The following TTI1 variants were observed in gnomAD, a reference collection of about 807,000 sequenced individuals.
The protein encoded by TTI1 is TELO2-interacting protein 1 homolog.
TTI1 carries 52 observed loss-of-function variants against 85.4 expected under a neutral mutation model. That is an observed-to-expected ratio of 0.61 (90% confidence interval 0.49 to 0.77). TTI1 has a LOEUF of 0.77. Ranked by LOEUF, TTI1 falls within the 30% of genes least tolerant of loss-of-function variation. The probability of loss-of-function intolerance (pLI) is 0.00; values close to 1 mark genes in which losing one functional copy is unlikely to be tolerated. For missense variants in TTI1, 1,173 were observed against 1,296.0 expected, an observed-to-expected ratio of 0.91 and a Z score of 1.46; for synonymous variants, 512 against 503.9, an observed-to-expected ratio of 1.02 and a Z score of -0.22.
rs373964403 is a variant in TTI1, at chr20:38,027,708, C to T, written c.-42+5696G>A. ...GGGAGGCTGAGGTGGGTGGATCACC[C>T]GACGTCAGGAGTTCAAGACCAGGCT... On this transcript the variant is annotated intron_variant, in intron 1 of 7. Transcript: ENST00000373447. 3.8e-3 allele frequency among the ~76,000 whole-genome samples: 571 copies of T among 152,098 alleles called. 5 individuals carry two copies. Among genetic ancestry groups the T allele is most frequent in the African/African-American group, 0.013 (542 of 41,492 alleles).
chr20:38,013,013 T>C lies in TTI1; in HGVS notation c.804A>G (p.Val268=). 6.2e-7 allele frequency: 1 copy of C among 1,614,092 alleles called. No homozygotes were observed. The highest frequency in any genetic ancestry group is 8.5e-7 in the Non-Finnish European group (1 of 1,180,040). ...VQAKPAVEHR[V]AELMVYREAD... ...CTTCCCTGTAAACCATCAGCTCTGC[T>C]ACTCTGTGCTCAACTGCAGGTTTTG... Residue 268 remains valine (V), a synonymous_variant, in exon 2 of 8, where the codon GTA becomes GTG. Transcript: ENST00000373447.
rs761042967 is a variant in TTI1 at position 38,012,364 on chromosome 20, A to C, written c.1453T>G (p.Phe485Val). 1.3e-5 allele frequency: 21 copies of C among 1,614,076 alleles called. No individual in the cohort carries two copies. The highest frequency in any genetic ancestry group is 3.3e-4 in the Middle Eastern group (2 of 6,084). Residue 485 changes from phenylalanine (F) to valine (V), a missense_variant, in exon 2 of 8, where the codon TTC (phenylalanine) becomes GTC (valine). By Grantham distance (50) the Phe-to-Val change is conservative (BLOSUM62 -1). Transcript: ENST00000373447. ...TGACAAACCTGCCTCAAGAGCATGA[A>C]GATTCTCTCATCAGTGAAGAAGCGG... ...YFRFFTDERI[F>V]MLLRQVCQLL...
intron 7 of TTI1, among the ~76,000 whole-genome samples, chr20:37,988,035 A>C (rs925673449): frequency 2.0e-5 from 3 of 152,220 alleles, no homozygotes; most frequent in Non-Finnish European, 2.9e-5. Context: ...CGTTTACTAA[A>C]GCCTGGTCCA....
rs114648949 is a variant in TTI1 at position 38,002,048 on chromosome 20, T to C, written c.2652+580A>G. Among the ~76,000 whole-genome samples the C allele has an allele frequency of 2.2e-3, 329 of 151,992 alleles. 2 individuals are homozygous for C. Among genetic ancestry groups the C allele is most frequent in the African/African-American group, 7.7e-3 (321 of 41,436 alleles). On this transcript the variant is annotated intron_variant, in intron 4 of 7. Transcript: ENST00000373447. ...TGTATTTCTCACTCCTGCTTGGGGG[T>C]AGAGAGGAATGCTGTCTCCCTTTGG...
At position 38,026,202 on chromosome 20, in the gene TTI1, A is replaced by C. The variant is rs151176933; in HGVS notation, c.-42+7202T>G. ...TGAGACAGAGTATCATTCTGTCACCAAGGCTGGAGTGCAATGGTGCCAAAT... is the reference window on the plus strand; with the variant it reads ...TGAGACAGAGTATCATTCTGTCACCCAGGCTGGAGTGCAATGGTGCCAAAT... On this transcript the variant is annotated intron_variant, in intron 1 of 7. Transcript: ENST00000373447. 6.9e-3 allele frequency among the ~76,000 whole-genome samples: 1,054 copies of C among 152,224 alleles called. 5 individuals are homozygous for C. The highest frequency in any genetic ancestry group is 0.02 in the African/African-American group (838 of 41,518).
At chr20:38,016,127 T>C (rs1280064624) in intron 1 of TTI1, among the ~76,000 whole-genome samples, 1 of 152,220 alleles carries the variant, frequency 6.6e-6, no homozygotes, top group Non-Finnish European at 1.5e-5. Context: ...ACCTACTTAC[T>C]GCAAATAAAG....
At chr20:38,009,232 A>G (rs2073545485) in intron 2 of TTI1, among the ~76,000 whole-genome samples, 2 of 152,206 alleles carry the variant, frequency 1.3e-5, no homozygotes, top group African/African-American at 4.8e-5. Flanking sequence ...TAGTCTGCAT[A>G]AGCAACCAGT....
intron 1 of TTI1, among the ~76,000 whole-genome samples, chr20:38,017,170 C>A (rs2073694578): frequency 6.6e-6 from 1 of 152,134 alleles, no homozygotes; most frequent in African/African-American, 2.4e-5. Flanking sequence ...CAATCCTATA[C>A]CTAGAAGCTA....
intron 3 of TTI1, 110 bp downstream of exon 3, chr20:38,006,087 G>T (rs1207407382): frequency 1.6e-6 from 2 of 1,231,112 alleles, no homozygotes; most frequent in Non-Finnish European, 2.3e-6. Flanking sequence ...GCCTGGTAAG[G>T]TTATGAGTAA....
intron 7 of TTI1, among the ~76,000 whole-genome samples, chr20:37,986,235 AAC>A: frequency 6.6e-6 from 1 of 152,324 alleles, no homozygotes; most frequent in East Asian, 1.9e-4. Flanking sequence ...TTATCTGGGC[AAC>A]ACCCAGCAAA....
At chr20:38,005,735 A>C (rs1303747797) in intron 3 of TTI1, 1 of 153,616 alleles carries the variant, frequency 6.5e-6, no homozygotes, top group East Asian at 1.9e-4. Context: ...TTATGTTCAT[A>C]TCCTTGACCC....
chr20:38,002,831 C>T (rs2073445678), intron 3 of TTI1, 55 bp from the exon 4 acceptor site: 4 of 1,594,254 alleles, frequency 2.5e-6, no homozygotes, highest in Non-Finnish European at 3.4e-6. Context: ...AACAGAGATA[C>T]CTAAATTTCT....
chr20:38,029,568 A>C (rs193265325), intron 1 of TTI1, among the ~76,000 whole-genome samples: 1 of 149,130 alleles, frequency 6.7e-6, no homozygotes, highest in Non-Finnish European at 1.5e-5. Flanking sequence ...GTGAGTGAGC[A>C]AGAGAGAGAG....
rs151230491 is a variant in TTI1, at chr20:38,021,816, C to T, written c.-41-7959G>A. 3.0e-3 allele frequency among the ~76,000 whole-genome samples: 451 copies of T among 152,238 alleles called. 1 individual carries two copies. The highest frequency in any genetic ancestry group is 0.014 in the Middle Eastern group (4 of 294). On this transcript the variant is annotated intron_variant, in intron 1 of 7. Transcript: ENST00000373447. The stretch of plus-strand genomic sequence containing the variant: ...ACAGGGGTGGGCTATAAGTAAGATC[C>T]CTGGGCCATGGTGTAAAGGTGGTGA...
intron 1 of TTI1, among the ~76,000 whole-genome samples, chr20:38,023,866 T>C (rs2073801563): frequency 6.6e-6 from 1 of 152,248 alleles, no homozygotes; most frequent in Non-Finnish European, 1.5e-5. Context: ...AGAGATACAA[T>C]GTTAACCAGA....
chr20:37,983,156 G>A lies in TTI1; in HGVS notation c.*300C>T. On this transcript the variant is annotated 3_prime_UTR_variant, in exon 8 of 8. Coordinates refer to ENST00000373447, the MANE Select transcript of TTI1 (RefSeq NM_001303457.2). ...GGAGGGGAACTGACCTCTTGTGTGT[G>A]TGTGTGTGTGGCCTGTGAGGGAGCT... 2 of 298,336 alleles carry A rather than the reference G, an allele frequency of 6.7e-6. No individual in the cohort carries two copies. Among genetic ancestry groups the A allele is most frequent in the African/African-American group, 4.5e-5 (2 of 44,190 alleles). 18.5% of individuals were successfully genotyped at this position (298,336 alleles called of 1,614,324 possible). A position where few individuals can be genotyped will look rare whatever the true frequency, so the allele number is the denominator to read the frequency against.
chr20:37,985,528 A>C (rs2073179091), intron 7 of TTI1, among the ~76,000 whole-genome samples: 1 of 150,474 alleles, frequency 6.6e-6, no homozygotes, highest in African/African-American at 2.5e-5. Context: ...AAGGGCACTG[A>C]ATTTTTTTTT....
chr20:37,994,332 A>G (rs1054903252), intron 7 of TTI1, among the ~76,000 whole-genome samples: 2 of 152,126 alleles, frequency 1.3e-5, no homozygotes, highest in Admixed American at 1.3e-4. Context: ...ACAGGGTTTC[A>G]TCATGTTGGC....
At chr20:38,002,592 T>C (rs1485741827) in intron 4 of TTI1, 36 bp downstream of exon 4, 2 of 1,609,466 alleles carry the variant, frequency 1.2e-6, no homozygotes, top group East Asian at 2.2e-5. Flanking sequence ...TTAGTCCTGC[T>C]ACTCTGGGAA....
Sources: allele counts gnomAD v4.1 joint callset (sites outside exome capture counted in the v4.1 genomes callset), GRCh38; gene constraint gnomAD v4.1.1; transcripts MANE v1.5; gene names NCBI Gene and HGNC (gene_info 2026-07-23, HGNC 2026-07-21).